The following BRD4 variants were observed in gnomAD, a reference collection of about 807,000 sequenced individuals.
BRD4 encodes the protein bromodomain containing 4, also known as bromodomain-containing protein 4.
BRD4 carries 16 observed loss-of-function variants against 142.1 expected under a neutral mutation model. The observed-to-expected ratio is 0.11, with a 90% CI of 0.08 to 0.17. The LOEUF (loss-of-function observed/expected upper bound fraction) is 0.17, where lower values mean the gene tolerates loss of function less well. Among genes scored for constraint, BRD4 ranks in the 10% least tolerant of loss-of-function variants. The pLI is 1.00. For synonymous variants in BRD4, 833 were observed against 707.5 expected (o/e 1.18, Z -2.82); for missense variants, 1,424 against 1,810.9 (o/e 0.79, Z 3.88).
intron 11 of BRD4, among the ~76,000 whole-genome samples, chr19:15,252,401 G>C (rs1031994981): frequency 2.0e-5 from 3 of 152,236 alleles, no homozygotes; most frequent in African/African-American, 4.8e-5. Flanking sequence ...CAAAACCCCT[G>C]GTAGGAGAAG....
chr19:15,263,497 C>T lies in BRD4; in HGVS notation c.1264G>A (p.Val422Ile), dbSNP rs182685268. The T allele has an allele frequency of 3.5e-5, 57 of 1,614,208 alleles. No individual in the cohort carries two copies. Among genetic ancestry groups the T allele is most frequent in the Non-Finnish European group, 4.7e-5 (55 of 1,180,038 alleles). Residue 422 changes from valine to isoleucine, a missense_variant, in exon 7 of 20, where the codon GTC becomes ATC. Physicochemically the swap from Val to Ile is conservative, Grantham distance 29. Transcript: ENST00000679869. Reference sequence around the variant, plus strand: ...TAGCAGTTGGAGAACATCAATCGGACGTCAGCACCAAACTCCTGAGCATCA... The same window carrying T: ...TAGCAGTTGGAGAACATCAATCGGATGTCAGCACCAAACTCCTGAGCATCA... ...YRDAQEFGAD[V>I]RLMFSNCYKY...
chr19:15,307,708 C>G (rs1263985138), intron 1 of BRD4, among the ~76,000 whole-genome samples: 1 of 152,028 alleles, frequency 6.6e-6, no homozygotes, highest in Non-Finnish European at 1.5e-5. Flanking sequence ...GTCCTGAGCC[C>G]AGGAGTTCTG....
intron 1 of BRD4, among the ~76,000 whole-genome samples, chr19:15,325,899 G>C (rs2048103540): frequency 6.7e-6 from 1 of 150,012 alleles, no homozygotes; most frequent in Non-Finnish European, 1.5e-5. Flanking sequence ...TAAGGAGGCT[G>C]AGGCAGGAGA....
chr19:15,260,523 G>C (rs2047457589), intron 7 of BRD4, among the ~76,000 whole-genome samples: 1 of 152,204 alleles, frequency 6.6e-6, no homozygotes, highest in Admixed American at 6.5e-5. Flanking sequence ...TGCTCAAACA[G>C]AAACACCTCT....
intron 7 of BRD4, among the ~76,000 whole-genome samples, chr19:15,259,554 G>A (rs543193283): frequency 6.6e-6 from 1 of 152,356 alleles, no homozygotes; most frequent in Admixed American, 6.5e-5. Flanking sequence ...TGGTGGGACT[G>A]GGAACTGCCA....
intron 1 of BRD4, among the ~76,000 whole-genome samples, chr19:15,325,429 G>A (rs992924506): frequency 6.6e-6 from 1 of 152,174 alleles, no homozygotes; most frequent in African/African-American, 2.4e-5. Flanking sequence ...CGGGTCAGGA[G>A]ACTTGATTTC....
chr19:15,242,868 C>T, intron 14 of BRD4, 32 bp downstream of exon 14: 1 of 1,586,534 alleles, frequency 6.3e-7, no homozygotes, highest in East Asian at 2.3e-5. Context: ...CAGCACCAGC[C>T]TCCCCAGAGT....
intron 1 of BRD4, among the ~76,000 whole-genome samples, chr19:15,276,345 A>G (rs1032785284): frequency 1.3e-5 from 2 of 152,124 alleles, no homozygotes; most frequent in African/African-American, 4.8e-5. Context: ...CCTTGGGCGA[A>G]TTCTTCCCAC....
chr19:15,243,413 G>A lies in BRD4; in HGVS notation c.2656C>T (p.Arg886Trp), dbSNP rs2145512132. The change falls in exon 14 of 20, where the codon CGG becomes TGG. Residue 886 changes from arginine to tryptophan, a missense_variant. Physicochemically the swap from Arg to Trp is moderately radical, Grantham distance 101. This residue lies in a region of BRD4 where 598 missense variants were observed against 647.8 expected (regional missense o/e 0.92). Coordinates refer to ENST00000679869, the MANE Select transcript of BRD4 (RefSeq NM_001379291.1). ...RAAALPPKPA[R>W]PPAVSPALTQ... ...AAGGCTGGTGACACGGCTGGGGGCC[G>A]GGCGGGCTTGGGAGGCAGGGCAGCG... is the stretch of plus-strand genomic sequence containing the variant. 3.2e-6 allele frequency: 5 copies of A among 1,566,688 alleles called. No individual in the cohort carries two copies. Among genetic ancestry groups the A allele is most frequent in the Non-Finnish European group, 4.3e-6 (5 of 1,159,132 alleles).
At chr19:15,273,857 A>G (rs1471297419) in intron 1 of BRD4, among the ~76,000 whole-genome samples, 1 of 150,866 alleles carries the variant, frequency 6.6e-6, no homozygotes, top group Non-Finnish European at 1.5e-5. Context: ...TAAACCTAAG[A>G]ACTCAGTGGA....
At chr19:15,330,691 C>CA (rs936288146) in intron 1 of BRD4, among the ~76,000 whole-genome samples, 7 of 152,130 alleles carry the variant, frequency 4.6e-5, no homozygotes, top group African/African-American at 1.7e-4. Flanking sequence ...CGCTTGAACC[C>CA]AGGAGGCAGA....
At chr19:15,280,219 C>T in intron 1 of BRD4, 8 of 999,992 alleles carry the variant, frequency 8.0e-6, no homozygotes, top group Non-Finnish European at 9.6e-6. Flanking sequence ...TCATTTGGAA[C>T]AGTGTGTGCT....
chr19:15,265,360 A>T lies in BRD4; in HGVS notation c.843T>A (p.Pro281=). The part of the protein sequence containing the change: ...HPPIIAATPQ[P]VKTKKGVKRK... The stretch of plus-strand genomic sequence containing the variant: ...CAGAGTCCAGGAGACTCACCTTCAC[A>T]GGCTGTGGGGTGGCCGCGATGATGG... The change falls in exon 5 of 20, where the codon CCT becomes CCA. Residue 281 remains proline (P), a synonymous_variant. Transcript: ENST00000679869. 1 of 1,499,326 alleles carries T rather than the reference A, an allele frequency of 6.7e-7. No homozygotes were observed. The highest frequency in any genetic ancestry group is 1.4e-5 in the South Asian group (1 of 73,016). The allele number at this position is 1,499,326 out of a possible 1,614,324, so 92.9% of individuals were successfully genotyped here. A position where few individuals can be genotyped will look rare whatever the true frequency, so the allele number is the denominator to read the frequency against.
Position 15,298,620 on chromosome 19 carries a change from C to CAAAAAAAAAAA in BRD4, c.-34-25498_-34-25488dup, listed in dbSNP as rs57719337. ...TGGGCAACAGGGCGAGACTCCAACT[C>CAAAAAAAAAAA]AAAAAAAAAAAAAAAAAAAAAAAAA... On this transcript the variant is annotated intron_variant, in intron 1 of 19. Transcript: ENST00000679869. 1.7e-4 allele frequency among the ~76,000 whole-genome samples: 11 copies of CAAAAAAAAAAA among 66,036 alleles called. 1 individual carries two copies. The highest frequency in any genetic ancestry group is 2.4e-4 in the African/African-American group (4 of 16,414). 43.3% of individuals were successfully genotyped at this position (66,036 alleles called of 152,430 possible).
intron 1 of BRD4, among the ~76,000 whole-genome samples, chr19:15,325,997 CA>C (rs35801340): frequency 0.12 from 6,210 of 50,628 alleles, 70 homozygotes; most frequent in Middle Eastern, 0.23. Flanking sequence ...GACTCCGTCT[CA>C]AAAAAAAAAA....
At chr19:15,327,548 AAGAAAAAAAG>A (rs2048119343) in intron 1 of BRD4, among the ~76,000 whole-genome samples, 1 of 152,156 alleles carries the variant, frequency 6.6e-6, no homozygotes, top group African/African-American at 2.4e-5. Flanking sequence ...CGTCTCGAAA[AAGAAAAAAAG>A]AGAAAAAAAA....
At chr19:15,280,216 G>T (rs1305407919) in intron 1 of BRD4, 13 of 998,770 alleles carry the variant, frequency 1.3e-5, no homozygotes, top group Non-Finnish European at 1.3e-5. Context: ...ACGTCATTTG[G>T]AACAGTGTGT....
chr19:15,255,880 A>G (rs2047403022), intron 9 of BRD4, among the ~76,000 whole-genome samples, 184 bp downstream of exon 9: 1 of 152,218 alleles, frequency 6.6e-6, no homozygotes, highest in Non-Finnish European at 1.5e-5. Flanking sequence ...TCCTACAGAA[A>G]GAGGCAGAGA....
intron 1 of BRD4, among the ~76,000 whole-genome samples, chr19:15,327,667 T>C (rs1288335085): frequency 2.6e-5 from 4 of 152,224 alleles, no homozygotes; most frequent in Non-Finnish European, 5.9e-5. Flanking sequence ...AAATGTAGCA[T>C]AGCCATATAA....
Sources: gnomAD v4.1 joint callset for allele counts (sites outside exome capture counted in the v4.1 genomes callset) on GRCh38, gnomAD v4.1.1 for gene constraint, gnomAD v4.1.1 regional missense constraint, MANE v1.5 for transcripts, NCBI Gene and HGNC (gene_info 2026-07-23, HGNC 2026-07-21) for gene names.